SCML4: variants seen among roughly 807,000 people sequenced by gnomAD.
SCML4 encodes sex comb on midleg-like protein 4.
Under a neutral mutation model 41.1 loss-of-function variants are expected in SCML4, and 34 were observed. The ratio of observed to expected loss-of-function variants is 0.83; its 90% confidence interval spans 0.63 to 1.10. The LOEUF (loss-of-function observed/expected upper bound fraction) is 1.10, where lower values mean the gene tolerates loss of function less well. SCML4 is among the 50% of genes least tolerant of loss of function. The pLI, the probability that SCML4 is intolerant of heterozygous loss-of-function variation, is 0.00. For synonymous variants in SCML4, 214 were observed against 220.9 expected, an observed-to-expected ratio of 0.97 and a Z score of 0.28; for missense variants, 522 against 534.1, an observed-to-expected ratio of 0.98 and a Z score of 0.22.
chr6:107,715,711 T>G (rs1327901959), intron 6 of SCML4, among the ~76,000 whole-genome samples: 2 of 152,128 alleles, frequency 1.3e-5, no homozygotes, highest in Non-Finnish European at 2.9e-5. Flanking sequence ...ACGTGATATA[T>G]CACAACTGCA....
intron 1 of SCML4, among the ~76,000 whole-genome samples, chr6:107,781,669 C>CAA (rs549589428): frequency 4.2e-5 from 4 of 95,900 alleles, no homozygotes; most frequent in Non-Finnish European, 6.5e-5. Context: ...GACCCTGTCT[C>CAA]AAAAAAAAAA....
intron 1 of SCML4, among the ~76,000 whole-genome samples, chr6:107,791,430 A>G (rs979222213): frequency 4.6e-5 from 7 of 152,194 alleles, no homozygotes; most frequent in Middle Eastern, 3.2e-3. Context: ...GTTTACAGAT[A>G]GAGTCTCAGA....
In SCML4 at chr6:107,751,347, T is replaced by C. The variant is rs533303643; in HGVS notation, c.157-1534A>G. Among the ~76,000 whole-genome samples the C allele has an allele frequency of 1.1e-4, 17 of 152,110 alleles. No homozygotes were observed. In the South Asian group the frequency reaches 3.1e-3, roughly 28 times the overall value. The stretch of plus-strand genomic sequence containing the variant: ...GGAGGTGAGGGAGCAAGTCATACAG[T>C]GTGTAGGGAAAGAATATTCCAGGCA... On this transcript the variant is annotated intron_variant, in intron 2 of 7. Transcript: ENST00000369020.
At chr6:107,753,806 G>A (rs1778887232) in intron 2 of SCML4, among the ~76,000 whole-genome samples, 1 of 152,224 alleles carries the variant, frequency 6.6e-6, no homozygotes, top group East Asian at 1.9e-4. Context: ...TTGAGTAGGT[G>A]AGAGGGTAGG....
the SCML4 span, among the ~76,000 whole-genome samples, chr6:107,830,501 T>A: frequency 6.6e-6 from 1 of 152,176 alleles, no homozygotes; most frequent in Non-Finnish European, 1.5e-5. Context: ...GGACTTTTCT[T>A]TGGTCACTAG....
chr6:107,717,172 A>G (rs7770109), intron 6 of SCML4, among the ~76,000 whole-genome samples: 1 of 112,764 alleles, frequency 8.9e-6, no homozygotes, highest in African/African-American at 3.5e-5. Flanking sequence ...AAAAAAAAAA[A>G]AGCCAGGTGT....
intron 2 of SCML4, among the ~76,000 whole-genome samples, chr6:107,767,088 G>A (rs1056285372): frequency 6.6e-6 from 1 of 151,728 alleles, no homozygotes; most frequent in South Asian, 2.1e-4. Context: ...GACATGAATA[G>A]CTGGGATTAC....
chr6:107,816,788 C>A (rs1784576808), intron 1 of SCML4, among the ~76,000 whole-genome samples: 1 of 152,200 alleles, frequency 6.6e-6, no homozygotes, highest in African/African-American at 2.4e-5. Context: ...GATGTTTTTC[C>A]TTCAAACATA....
intron 6 of SCML4, among the ~76,000 whole-genome samples, chr6:107,715,641 A>T (rs562903603): frequency 6.6e-6 from 1 of 152,326 alleles, no homozygotes; most frequent in African/African-American, 2.4e-5. Context: ...GCATCAGCAG[A>T]CACCAGGAAA....
intron 1 of SCML4, among the ~76,000 whole-genome samples, chr6:107,807,192 A>G (rs1005298469): frequency 6.6e-6 from 1 of 152,158 alleles, no homozygotes; most frequent in African/African-American, 2.4e-5. Context: ...AAGAGTAAAA[A>G]GACCCTTTTA....
chr6:107,720,411 C>A, intron 6 of SCML4: 1 of 1,086,716 alleles, frequency 9.2e-7, no homozygotes. Flanking sequence ...CAGGAACATT[C>A]ACCTTTGGCT....
chr6:107,827,225 T>G (rs1024936420), upstream of SCML4, among the ~76,000 whole-genome samples: 2 of 147,250 alleles, frequency 1.4e-5, no homozygotes, highest in Non-Finnish European at 3.0e-5. Context: ...TAAATATATC[T>G]TTATATTTTT....
chr6:107,780,241 A>T (rs935483611), intron 1 of SCML4, among the ~76,000 whole-genome samples: 2 of 152,236 alleles, frequency 1.3e-5, no homozygotes, highest in East Asian at 3.8e-4. Flanking sequence ...TCATACCGTT[A>T]AAAGAATAGG....
At chr6:107,784,907 T>TA (rs1355749313) in intron 1 of SCML4, among the ~76,000 whole-genome samples, 1 of 152,114 alleles carries the variant, frequency 6.6e-6, no homozygotes, top group Admixed American at 6.5e-5. Flanking sequence ...CAGCAACCAT[T>TA]TCAGTGGGTG....
intron 4 of SCML4, 68 bp downstream of exon 4, chr6:107,746,621 T>C: frequency 1.4e-6 from 2 of 1,424,410 alleles, no homozygotes; most frequent in Middle Eastern, 1.8e-4. Context: ...TCTCCAGGCC[T>C]GAGTATGGCT....
chr6:107,837,472 G>C, the SCML4 span, among the ~76,000 whole-genome samples: 1 of 152,146 alleles, frequency 6.6e-6, no homozygotes, highest in Non-Finnish European at 1.5e-5. Context: ...CCTTCACCTC[G>C]AGTTCAGGGT....
the SCML4 span, among the ~76,000 whole-genome samples, chr6:107,844,935 TAAAA>T: frequency 0.58 from 82,862 of 141,690 alleles, 24,885 homozygotes; most frequent in East Asian, 0.83. Context: ...ATATGTATAT[TAAAA>T]AAAAAAAAAA....
At chr6:107,835,763 C>CAAAGAA in the SCML4 span, among the ~76,000 whole-genome samples, 1 of 86,376 alleles carries the variant, frequency 1.2e-5, no homozygotes, top group Non-Finnish European at 2.1e-5. Flanking sequence ...GACCCCATCT[C>CAAAGAA]AAAAAAAAAA....
At chr6:107,715,714 C>G (rs548691105) in intron 6 of SCML4, among the ~76,000 whole-genome samples, 2 of 152,148 alleles carry the variant, frequency 1.3e-5, no homozygotes, top group African/African-American at 4.8e-5. Flanking sequence ...TGATATATCA[C>G]AACTGCAGGA....
Sources: allele counts gnomAD v4.1 joint callset (sites outside exome capture counted in the v4.1 genomes callset), GRCh38; gene constraint gnomAD v4.1.1; transcripts MANE v1.5; gene names NCBI Gene and HGNC (gene_info 2026-07-23, HGNC 2026-07-21).